Variants in IQCH observed in about 807,000 individuals in gnomAD.
IQCH encodes the protein IQ domain-containing protein H.
IQCH carries 98 observed loss-of-function variants against 117.0 expected under a neutral mutation model. That is an observed-to-expected ratio of 0.84 (90% confidence interval 0.71 to 0.99). The LOEUF is 0.99. Among genes scored for constraint, IQCH ranks in the 50% least tolerant of loss-of-function variants. The probability of loss-of-function intolerance (pLI) is 0.00; values close to 1 mark genes in which losing one functional copy is unlikely to be tolerated. For synonymous variants in IQCH, 412 were observed against 448.2 expected (o/e 0.92, Z 1.02); for missense variants, 1,102 against 1,243.8 (o/e 0.89, Z 1.72).
intron 6 of IQCH, among the ~76,000 whole-genome samples, chr15:67,348,902 G>A (rs548434169): frequency 6.6e-6 from 1 of 152,274 alleles, no homozygotes; most frequent in East Asian, 1.9e-4. Flanking sequence ...TTGGCAAAAG[G>A]ATAAACACAG....
rs1420780704 is a variant in IQCH at position 67,431,480 on chromosome 15, A to G, written c.2505+9903A>G. On this transcript the variant is annotated intron_variant, in intron 16 of 20. Transcript: ENST00000335894. The surrounding 1 kb of genome is among the most constrained non-coding windows in gnomAD (Gnocchi z 4.8). ...AGGGGAACACCACGCACTGAGGCCTATCAAAGGGTGGAGGGTGGGAGGAGG... is the reference window on the plus strand; with the variant it reads ...AGGGGAACACCACGCACTGAGGCCTGTCAAAGGGTGGAGGGTGGGAGGAGG... Among the ~76,000 whole-genome samples the G allele has an allele frequency of 6.6e-6, 1 of 152,054 alleles. No individual in the cohort carries two copies. Among genetic ancestry groups the G allele is most frequent in the Non-Finnish European group, 1.5e-5 (1 of 67,994 alleles).
rs1217752107 is a variant in IQCH, at chr15:67,391,783, A to G, written c.1632+2777A>G. ...TCACATTTAAATCTTTATTAAACACATATTGAACACAATACTGTGGCAGCA... is the reference window on the plus strand; with the variant it reads ...TCACATTTAAATCTTTATTAAACACGTATTGAACACAATACTGTGGCAGCA... On this transcript the variant is annotated intron_variant, in intron 12 of 20. Transcript: ENST00000335894. The surrounding 1 kb of genome is among the most constrained non-coding windows in gnomAD (Gnocchi z 4.3). 6.6e-6 allele frequency among the ~76,000 whole-genome samples: 1 copy of G among 152,234 alleles called. No homozygotes were observed. Among genetic ancestry groups the G allele is most frequent in the Non-Finnish European group, 1.5e-5 (1 of 68,046 alleles).
chr15:67,271,218 T>G (rs1965886246), intron 3 of IQCH, among the ~76,000 whole-genome samples: 1 of 152,212 alleles, frequency 6.6e-6, no homozygotes, highest in Non-Finnish European at 1.5e-5. Flanking sequence ...TCCGCCCAGC[T>G]TGGCCTCCCA....
rs111990222 is a variant in IQCH, at chr15:67,461,423, G to T, written c.2506-3704G>T. ...CTGCTGCGTGCCCTGCCCCAGACAC[G>T]AGGTGCTGCAGGAAGACAAAGACTT... On this transcript the variant is annotated intron_variant, in intron 16 of 20. Coordinates refer to ENST00000335894, the MANE Select transcript of IQCH (RefSeq NM_001031715.3). Among the ~76,000 whole-genome samples, 1,436 of 152,302 alleles carry T rather than the reference G, an allele frequency of 9.4e-3. 35 individuals carry two copies. Among genetic ancestry groups the T allele is most frequent in the African/African-American group, 0.031 (1,301 of 41,550 alleles).
intron 3 of IQCH, 62 bp from the exon 4 acceptor site, chr15:67,279,333 T>C: frequency 1.2e-6 from 1 of 848,048 alleles, no homozygotes; most frequent in Non-Finnish European, 1.9e-6. Flanking sequence ...GTTTTAAAAT[T>C]ACAATTTGAA....
chr15:67,495,802 G>T (rs1019699801), intron 20 of IQCH, among the ~76,000 whole-genome samples: 2 of 152,138 alleles, frequency 1.3e-5, no homozygotes, highest in Non-Finnish European at 2.9e-5. Context: ...ATGGTTTCTA[G>T]CCTTCTGATA....
At chr15:67,297,534 A>G (rs890968608) in intron 4 of IQCH, among the ~76,000 whole-genome samples, 6 of 152,158 alleles carry the variant, frequency 3.9e-5, no homozygotes, top group African/African-American at 7.2e-5. Context: ...TTCTGATTCA[A>G]TGGTTCAGCA....
At chr15:67,471,016 T>C (rs2083059109) in intron 17 of IQCH, among the ~76,000 whole-genome samples, 1 of 152,236 alleles carries the variant, frequency 6.6e-6, no homozygotes, top group Non-Finnish European at 1.5e-5. Context: ...TTCTTTTTTT[T>C]CAGATTCAGA....
chr15:67,336,586 T>G (rs1005569283), intron 4 of IQCH, among the ~76,000 whole-genome samples: 1 of 152,200 alleles, frequency 6.6e-6, no homozygotes, highest in Non-Finnish European at 1.5e-5. Flanking sequence ...GTTTTAACAT[T>G]AACACTCTAA....
chr15:67,464,753 G>A (rs1446517171), intron 16 of IQCH, among the ~76,000 whole-genome samples: 2 of 152,120 alleles, frequency 1.3e-5, no homozygotes, highest in African/African-American at 2.4e-5. Flanking sequence ...CTCTACTGTA[G>A]TTCCCCACCC....
At position 67,390,489 on chromosome 15, in the gene IQCH, CT is replaced by C. The variant is rs1397304932; in HGVS notation, c.1632+1490del. 6.6e-6 allele frequency among the ~76,000 whole-genome samples: 1 copy of C among 151,838 alleles called. No homozygotes were observed. Among genetic ancestry groups the C allele is most frequent in the Non-Finnish European group, 1.5e-5 (1 of 67,898 alleles). On this transcript the variant is annotated intron_variant, in intron 12 of 20. Transcript: ENST00000335894. The surrounding 1 kb of genome is among the most constrained non-coding windows in gnomAD (Gnocchi z 5.0). ...TTTTCAAATTCTTAGCATACAGTTT[CT>C]TTTTTTCTTTTTTTTTGAGACAGAG...
intron 3 of IQCH, among the ~76,000 whole-genome samples, chr15:67,274,897 G>T (rs985058196): frequency 2.0e-5 from 3 of 152,102 alleles, no homozygotes; most frequent in Non-Finnish European, 2.9e-5. Flanking sequence ...GCCCGGATTT[G>T]TGTCAAATCT....
rs141164169 is a variant in IQCH, at chr15:67,334,930, C to T, written c.388-2045C>T. Reference sequence around the variant, plus strand: ...TTCCTTCACCCTCCAACCAAGCATACGCAGAAGTGATTATCCTTACCATGG... The same window carrying T: ...TTCCTTCACCCTCCAACCAAGCATATGCAGAAGTGATTATCCTTACCATGG... On this transcript the variant is annotated intron_variant, in intron 4 of 20. Transcript: ENST00000335894. 1.4e-4 allele frequency among the ~76,000 whole-genome samples: 21 copies of T among 152,288 alleles called. 1 individual carries two copies. In the East Asian group the frequency reaches 1.5e-3, roughly 11 times the overall value.
chr15:67,424,371 GT>G lies in IQCH; in HGVS notation c.2505+2798del, dbSNP rs1206564087. 6.6e-6 allele frequency among the ~76,000 whole-genome samples: 1 copy of G among 152,090 alleles called. No homozygotes were observed. Among genetic ancestry groups the G allele is most frequent in the Non-Finnish European group, 1.5e-5 (1 of 68,008 alleles). ...ACAAAGTCAAATTCTCCTTTTTTAG[GT>G]TTTCATATCATTGTGTAGCTGTGTG... On this transcript the variant is annotated intron_variant, in intron 16 of 20. Transcript: ENST00000335894. The surrounding 1 kb of genome is among the most constrained non-coding windows in gnomAD (Gnocchi z 4.9).
chr15:67,403,221 G>A lies in IQCH; in HGVS notation c.2097+2916G>A, dbSNP rs1181099591. ...GCCGAGATCACACCACTGCACTCCA[G>A]CCTGGGCGACAGAGTGAGACACTGT... On this transcript the variant is annotated intron_variant, in intron 14 of 20. Coordinates refer to ENST00000335894, the MANE Select transcript of IQCH (RefSeq NM_001031715.3). This position sits in a 1 kb window ranked among gnomAD's most constrained non-coding sequence, Gnocchi z 4.8. Among the ~76,000 whole-genome samples the A allele has an allele frequency of 2.6e-5, 4 of 151,660 alleles. No homozygotes were observed. The highest frequency in any genetic ancestry group is 4.4e-5 in the Non-Finnish European group (3 of 67,944).
At chr15:67,450,882 T>C (rs1049883298) in intron 16 of IQCH, among the ~76,000 whole-genome samples, 4 of 152,374 alleles carry the variant, frequency 2.6e-5, no homozygotes, top group African/African-American at 7.2e-5. Context: ...AAGCTATTGA[T>C]TATTGCCTCA....
At chr15:67,292,661 C>T (rs1382105583) in intron 4 of IQCH, among the ~76,000 whole-genome samples, 1 of 152,162 alleles carries the variant, frequency 6.6e-6, no homozygotes, top group Non-Finnish European at 1.5e-5. Context: ...TTTGCTTCAT[C>T]TATTTTTATT....
rs2083129620 is a variant in IQCH, at chr15:67,473,763, G to C, written c.2677-1933G>C. Among the ~76,000 whole-genome samples the C allele has an allele frequency of 2.0e-5, 3 of 152,160 alleles. No individual in the cohort carries two copies. Among genetic ancestry groups the C allele is most frequent in the African/African-American group, 7.2e-5 (3 of 41,432 alleles). On this transcript the variant is annotated intron_variant, in intron 17 of 20. Coordinates refer to ENST00000335894, the MANE Select transcript of IQCH (RefSeq NM_001031715.3). The surrounding 1 kb of genome is among the most constrained non-coding windows in gnomAD (Gnocchi z 4.9). ...TGACCAAGGGAACAACTCATGATAGGTCAGGGTGACAGAGTACAGTAGTGA... is the reference window on the plus strand; with the variant it reads ...TGACCAAGGGAACAACTCATGATAGCTCAGGGTGACAGAGTACAGTAGTGA...
intron 15 of IQCH, among the ~76,000 whole-genome samples, chr15:67,419,647 A>G (rs913396396): frequency 1.3e-5 from 2 of 152,204 alleles, no homozygotes; most frequent in African/African-American, 4.8e-5. Context: ...TTGGCCTCCC[A>G]GGCTCAAGCA....
Sources: gnomAD v4.1 joint callset for allele counts (sites outside exome capture counted in the v4.1 genomes callset) on GRCh38, gnomAD v4.1.1 for gene constraint, Gnocchi (gnomAD v3.1) non-coding constraint, MANE v1.5 for transcripts, NCBI Gene and HGNC (gene_info 2026-07-23, HGNC 2026-07-21) for gene names.